The following KCNRG variants were observed in gnomAD, a reference collection of about 807,000 sequenced individuals.
The protein encoded by KCNRG is potassium channel regulator, also known as potassium channel regulatory protein.
Under a neutral mutation model 17.7 loss-of-function variants are expected in KCNRG, and 17 were observed. That is an observed-to-expected ratio of 0.96 (90% CI 0.66 to 1.44). KCNRG has a LOEUF of 1.44. KCNRG is among the 40% of genes most tolerant of loss of function. The pLI is 0.00. For synonymous variants in KCNRG, 97 were observed against 116.5 expected, an observed-to-expected ratio of 0.83 and a Z score of 1.08; for missense variants, 311 against 321.1, an observed-to-expected ratio of 0.97 and a Z score of 0.24.
In KCNRG at chr13:50,015,865, G is replaced by A. The variant is rs1210878369; in HGVS notation, c.372G>A (p.Arg124=). ...FLSRNTQAFF[R]VFGSCSKTIE... ...GCCGGAACACTCAAGCTTTTTTCAG[G>A]GTGTTTGGCTCTTGCAGCAAAACAA... is the stretch of plus-strand genomic sequence containing the variant. Residue 124 remains arginine, a synonymous_variant, in exon 1 of 2, where the codon AGG becomes AGA. Coordinates refer to ENST00000312942, the MANE Select transcript of KCNRG (RefSeq NM_173605.2). 1.2e-6 allele frequency: 2 copies of A among 1,613,868 alleles called. No homozygotes were observed. The highest frequency in any genetic ancestry group is 1.7e-6 in the Non-Finnish European group (2 of 1,179,958).
rs1435795281 is a variant in KCNRG at position 50,020,896 on chromosome 13, G to A, written c.*442G>A. ...TAGAAATATTATATGTAAATAAATA[G>A]TTGGGCCTTCCGTATTTTCCCACTT... is the stretch of plus-strand genomic sequence containing the variant. On this transcript the variant is annotated 3_prime_UTR_variant, in exon 2 of 2. Transcript: ENST00000312942. 1 of 153,866 alleles carries A rather than the reference G, an allele frequency of 6.5e-6. No homozygotes were observed. The highest frequency in any genetic ancestry group is 1.4e-5 in the Non-Finnish European group (1 of 69,138). 9.5% of individuals were successfully genotyped at this position (153,866 alleles called of 1,614,324 possible).
At position 50,015,660 on chromosome 13, in the gene KCNRG, A is replaced by T. The variant is rs1876447697; in HGVS notation, c.167A>T (p.Asp56Val). The change falls in exon 1 of 2, where the codon GAT (aspartate) becomes GTT (valine). Residue 56 changes from aspartate (D) to valine (V), a missense_variant. Asp to Val is a radical substitution (Grantham distance 152). Coordinates refer to ENST00000312942, the MANE Select transcript of KCNRG (RefSeq NM_173605.2). ...GGQIFVDRDG[D>V]LFSFILDFLR... ...CAGATTTTTGTAGACAGAGATGGTG[A>T]TTTGTTTAGTTTCATCTTAGATTTT... 3 of 1,613,986 alleles carry T rather than the reference A, an allele frequency of 1.9e-6. No homozygotes were observed. The highest frequency in any genetic ancestry group is 2.5e-6 in the Non-Finnish European group (3 of 1,179,990).
chr13:50,020,431 G>T lies in KCNRG; in HGVS notation c.796G>T (p.Glu266Ter). 6.2e-7 allele frequency: 1 copy of T among 1,612,980 alleles called. No homozygotes were observed. The highest frequency in any genetic ancestry group is 2.2e-5 in the East Asian group (1 of 44,872). Residue 266 changes from glutamate to a stop codon, truncating the protein, a stop_gained, in exon 2 of 2, where the codon GAG (glutamate) becomes TAG (stop). Coordinates refer to ENST00000312942, the MANE Select transcript of KCNRG (RefSeq NM_173605.2). LOFTEE classifies it high-confidence loss of function. ...TPKPETIIIP[E>*]QSQIKK ...AAAACCAGAGACTATCATCATACCA[G>T]AGCAATCTCAGATAAAGAAATGAAG...
rs796895702 is a variant in KCNRG at position 50,020,091 on chromosome 13, C to CA, written c.579-113dup. On this transcript the variant is annotated intron_variant, in intron 1 of 1. Coordinates refer to ENST00000312942, the MANE Select transcript of KCNRG (RefSeq NM_173605.2). ...TGGATTTGTAAAGTAAATGAAATTTCAAAAAAAAAATCTGTCTTGAGAAGG... is the reference window on the plus strand; with the variant it reads ...TGGATTTGTAAAGTAAATGAAATTTCAAAAAAAAAAATCTGTCTTGAGAAGG... 2,661 of 779,442 alleles carry CA rather than the reference C, an allele frequency of 3.4e-3. 1 individual carries two copies. Among genetic ancestry groups the CA allele is most frequent in the Middle Eastern group, 4.6e-3 (11 of 2,404 alleles). 48.3% of individuals were successfully genotyped at this position (779,442 alleles called of 1,614,324 possible). A position where few individuals can be genotyped will look rare whatever the true frequency, so the allele number is the denominator to read the frequency against.
In KCNRG at chr13:50,015,568, G is replaced by C. The variant is rs754635280; in HGVS notation, c.75G>C (p.Gln25His). The C allele has an allele frequency of 1.9e-6, 3 of 1,614,144 alleles. No individual in the cohort carries two copies. Among genetic ancestry groups the C allele is most frequent in the Admixed American group, 3.3e-5 (2 of 60,024 alleles). ...IFTTRFSTIK[Q>H]FPASRLARML... is the part of the protein sequence containing the mutation. ...CGACAAGGTTTTCTACGATAAAGCA[G>C]TTTCCTGCTTCTCGTTTGGCACGCA... is the stretch of plus-strand genomic sequence containing the variant. Residue 25 changes from glutamine (Q) to histidine (H), a missense_variant, in exon 1 of 2, where the codon CAG becomes CAC. By Grantham distance (24) the Gln-to-His change is conservative. Transcript: ENST00000312942.
chr13:50,020,763 C>A lies in KCNRG; in HGVS notation c.*309C>A. 4.0e-6 allele frequency: 1 copy of A among 250,836 alleles called. No homozygotes were observed. The highest frequency in any genetic ancestry group is 7.8e-6 in the Non-Finnish European group (1 of 128,628). 15.5% of individuals were successfully genotyped at this position (250,836 alleles called of 1,614,324 possible). A position where few individuals can be genotyped will look rare whatever the true frequency, so the allele number is the denominator to read the frequency against. On this transcript the variant is annotated 3_prime_UTR_variant, in exon 2 of 2. Transcript: ENST00000312942. ...AGCTTGGGTGACAGAGGAAGACTGT[C>A]TCAAAAAAAAAAAAATTGATCAAAC...
chr13:50,019,006 G>T (rs539148579), intron 1 of KCNRG: 1 of 152,506 alleles, frequency 6.6e-6, no homozygotes, highest in African/African-American at 2.4e-5. Context: ...TCAAACTCCC[G>T]AGCTCAGGTG....
chr13:50,020,589 A>G lies in KCNRG; in HGVS notation c.*135A>G. The stretch of plus-strand genomic sequence containing the variant: ...GCTGCCATGCCGTCTCTGGGCAACC[A>G]GGCCCCAACTGTGCTTAAGCCATAA... On this transcript the variant is annotated 3_prime_UTR_variant, in exon 2 of 2. Transcript: ENST00000312942. 1.2e-6 allele frequency: 1 copy of G among 858,886 alleles called. No individual in the cohort carries two copies. The highest frequency in any genetic ancestry group is 2.6e-5 in the East Asian group (1 of 38,338). 53.2% of individuals were successfully genotyped at this position (858,886 alleles called of 1,614,324 possible).
In KCNRG at chr13:50,020,377, C is replaced by T; in HGVS notation, c.742C>T (p.Pro248Ser). 1 of 1,613,910 alleles carries T rather than the reference C, an allele frequency of 6.2e-7. No homozygotes were observed. The highest frequency in any genetic ancestry group is 1.1e-5 in the South Asian group (1 of 91,076). ...ECYSFERIKS[P>S]EVLITNETPK... ...CTATAGCTTTGAAAGGATAAAAAGCCCTGAAGTGCTCATCACGAATGAAAC... is the reference window on the plus strand; with the variant it reads ...CTATAGCTTTGAAAGGATAAAAAGCTCTGAAGTGCTCATCACGAATGAAAC... The change falls in exon 2 of 2, where the codon CCT becomes TCT. Residue 248 changes from proline to serine, a missense_variant. Pro to Ser is a moderately conservative substitution (Grantham distance 74, BLOSUM62 -1). Transcript: ENST00000312942.
chr13:50,018,203 T>C (rs1876856478), intron 1 of KCNRG: 1 of 167,036 alleles, frequency 6.0e-6, no homozygotes, highest in African/African-American at 2.4e-5. Flanking sequence ...GCTTGAAATA[T>C]TTTATTTTTC....
chr13:50,016,034 G>A lies in KCNRG; in HGVS notation c.541G>A (p.Gly181Ser), dbSNP rs920388286. 2.5e-6 allele frequency: 4 copies of A among 1,613,908 alleles called. No homozygotes were observed. In the African/African-American group the frequency reaches 5.3e-5, roughly 22 times the overall value. ...PSYHDLVFQC[G>S]SDSTTDNQTG... ...TTACCATGACCTGGTTTTCCAGTGT[G>A]GTTCTGACAGCACTACTGATAACCA... is the stretch of plus-strand genomic sequence containing the variant. Residue 181 changes from glycine to serine, a missense_variant, in exon 1 of 2, where the codon GGT becomes AGT. Coordinates refer to ENST00000312942, the MANE Select transcript of KCNRG (RefSeq NM_173605.2).
At chr13:50,018,344 T>C (rs1876880816) in intron 1 of KCNRG, 1 of 166,632 alleles carries the variant, frequency 6.0e-6, no homozygotes. Flanking sequence ...CTGTAACATT[T>C]TTCTCACTTT....
At position 50,015,639 on chromosome 13, in the gene KCNRG, T is replaced by C; in HGVS notation, c.146T>C (p.Ile49Thr). Residue 49 changes from isoleucine (I) to threonine (T), a missense_variant, in exon 1 of 2, where the codon ATT becomes ACT. Coordinates refer to ENST00000312942, the MANE Select transcript of KCNRG (RefSeq NM_173605.2). ...GAATTCAAGATGGTTGGTGGCCAGA[T>C]TTTTGTAGACAGAGATGGTGATTTG... ...DQEFKMVGGQ[I>T]FVDRDGDLFS... 1 of 1,614,170 alleles carries C rather than the reference T, an allele frequency of 6.2e-7. No individual in the cohort carries two copies. Among genetic ancestry groups the C allele is most frequent in the Non-Finnish European group, 8.5e-7 (1 of 1,179,996 alleles).
At chr13:50,017,040 C>T (rs1234457165) in intron 1 of KCNRG, 2 of 166,936 alleles carry the variant, frequency 1.2e-5, no homozygotes, top group African/African-American at 4.8e-5. Context: ...TAATTGTTTA[C>T]ATTTTATAAC....
rs147371322 is a variant in KCNRG, at chr13:50,017,450, G to T, written c.578+1379G>T. 9.6e-5 allele frequency: 16 copies of T among 167,046 alleles called. No individual in the cohort carries two copies. The East Asian group carries it at 2.9e-3, about 30-fold the overall frequency. 10.3% of individuals were successfully genotyped at this position (167,046 alleles called of 1,614,324 possible). On this transcript the variant is annotated intron_variant, in intron 1 of 1. Coordinates refer to ENST00000312942, the MANE Select transcript of KCNRG (RefSeq NM_173605.2). Reference sequence around the variant, plus strand: ...TTCCTGTGTGTACACAGTGCCAAATGGTTTTCCCTTTTTATGTTGTGTTTT... The same window carrying T: ...TTCCTGTGTGTACACAGTGCCAAATTGTTTTCCCTTTTTATGTTGTGTTTT...
At chr13:50,018,062 C>T (rs901804398) in intron 1 of KCNRG, 2 of 167,016 alleles carry the variant, frequency 1.2e-5, no homozygotes, top group African/African-American at 4.8e-5. Flanking sequence ...TCACAGGATT[C>T]TAAAGTCTTT....
intron 1 of KCNRG, chr13:50,018,396 G>A (rs923508868): frequency 6.0e-6 from 1 of 166,366 alleles, no homozygotes; most frequent in African/African-American, 2.4e-5. Flanking sequence ...CTGGCGCTTG[G>A]GGGTAAGTGG....
chr13:50,019,132 T>G (rs540267003), intron 1 of KCNRG, among the ~76,000 whole-genome samples: 1 of 108,562 alleles, frequency 9.2e-6, no homozygotes, highest in South Asian at 3.7e-4. Flanking sequence ...TCATGTGCAT[T>G]TTTTTCTTTT....
rs1324178363 is a variant in KCNRG at position 50,017,583 on chromosome 13, C to T, written c.578+1512C>T. 1.8e-5 allele frequency: 3 copies of T among 166,944 alleles called. No homozygotes were observed. In the East Asian group the frequency reaches 5.8e-4, roughly 32 times the overall value. 10.3% of individuals were successfully genotyped at this position (166,944 alleles called of 1,614,324 possible). A position where few individuals can be genotyped will look rare whatever the true frequency, so the allele number is the denominator to read the frequency against. ...TTTTAAAATTAGCATTTTCTTGCAT[C>T]ACCAAATGGTATTCAATTGTTTGAA... On this transcript the variant is annotated intron_variant, in intron 1 of 1. Transcript: ENST00000312942.
Sources: gnomAD v4.1 joint callset for allele counts (sites outside exome capture counted in the v4.1 genomes callset) on GRCh38, gnomAD v4.1.1 for gene constraint, MANE v1.5 for transcripts, NCBI Gene and HGNC (gene_info 2026-07-23, HGNC 2026-07-21) for gene names.